Variants in RAB21 observed in about 807,000 individuals in gnomAD.
RAB21 encodes RAB21, member RAS oncogene family.
A neutral mutation model predicts 33.1 loss-of-function variants in RAB21; 13 were observed. The ratio of observed to expected loss-of-function variants is 0.39; its 90% CI spans 0.26 to 0.62. The LOEUF (loss-of-function observed/expected upper bound fraction) is 0.62, where lower values mean the gene tolerates loss of function less well. Ranked by LOEUF, RAB21 falls within the 20% of genes least tolerant of loss-of-function variation. The pLI is 0.48. For missense variants in RAB21, 234 were observed against 279.1 expected (o/e 0.84, Z 1.15); for synonymous variants, 91 against 103.7 (o/e 0.88, Z 0.74).
intron 3 of RAB21, among the ~76,000 whole-genome samples, chr12:71,771,242 C>T (rs192286556): frequency 1.6e-4 from 24 of 152,264 alleles, no homozygotes; most frequent in Admixed American, 1.2e-3. Flanking sequence ...ATACGTATGA[C>T]TCTTAAAGTT....
At chr12:71,781,987 A>G (rs759870418) in intron 4 of RAB21, 44 bp from the exon 5 acceptor site, 3 of 1,438,180 alleles carry the variant, frequency 2.1e-6, no homozygotes, top group Non-Finnish European at 1.9e-6. Context: ...TTTGTTATGA[A>G]AATAAATCAG....
At position 71,795,804 on chromosome 12, in the gene RAB21, T is replaced by C. The variant is rs1055564729; in HGVS notation, c.*10131T>C. On this transcript the variant is annotated 3_prime_UTR_variant, in exon 7 of 7. Transcript: ENST00000261263. Reference sequence around the variant, plus strand: ...TTGTTGAAAACTGAGTAGAATTTTGTGTCCAAAAATCCTTAGTCTGTGATG... The same window carrying C: ...TTGTTGAAAACTGAGTAGAATTTTGCGTCCAAAAATCCTTAGTCTGTGATG... 2 of 137,688 alleles carry C rather than the reference T, an allele frequency of 1.5e-5. No homozygotes were observed. Among genetic ancestry groups the C allele is most frequent in the Admixed American group, 1.5e-4 (2 of 13,422 alleles). 8.5% of individuals were successfully genotyped at this position (137,688 alleles called of 1,614,324 possible). A position where few individuals can be genotyped will look rare whatever the true frequency, so the allele number is the denominator to read the frequency against.
chr12:71,782,714 A>G, intron 6 of RAB21, 56 bp downstream of exon 6: 1 of 1,233,440 alleles, frequency 8.1e-7, no homozygotes, highest in Non-Finnish European at 1.1e-6. Flanking sequence ...TTATTTTTTA[A>G]AAAATAGTAT....
rs1883012976 is a variant in RAB21 at position 71,769,731 on chromosome 12, T to C, written c.160-69T>C. On this transcript the variant is annotated intron_variant, in intron 1 of 6. Coordinates refer to ENST00000261263, the MANE Select transcript of RAB21 (RefSeq NM_014999.4). ...CTTTTACATTGAGATGATTCATTCA[T>C]CTATAGTTGTTAGGATAAAGAACCT... 8.2e-6 allele frequency: 6 copies of C among 727,528 alleles called. No individual in the cohort carries two copies. In the East Asian group the frequency reaches 1.5e-4, roughly 19 times the overall value. The allele number at this position is 727,528 out of a possible 1,614,324, so 45.1% of individuals were successfully genotyped here. A position where few individuals can be genotyped will look rare whatever the true frequency, so the allele number is the denominator to read the frequency against.
At chr12:71,784,013 C>T (rs1271377827) in intron 6 of RAB21, among the ~76,000 whole-genome samples, 3 of 152,096 alleles carry the variant, frequency 2.0e-5, no homozygotes, top group Non-Finnish European at 4.4e-5. Flanking sequence ...CTAATATGTA[C>T]ATTTTAAAAC....
At chr12:71,771,694 C>T (rs1883044385) in intron 3 of RAB21, among the ~76,000 whole-genome samples, 1 of 152,122 alleles carries the variant, frequency 6.6e-6, no homozygotes, top group Non-Finnish European at 1.5e-5. Flanking sequence ...AAGATTGAGG[C>T]CAGGCACAGT....
chr12:71,784,076 TATA>T (rs1410576035), intron 6 of RAB21, among the ~76,000 whole-genome samples: 1 of 152,234 alleles, frequency 6.6e-6, no homozygotes, highest in African/African-American at 2.4e-5. Context: ...ATATAGAATT[TATA>T]ATGTTTTCTT....
rs1014939006 is a variant in RAB21 at position 71,793,186 on chromosome 12, T to G, written c.*7513T>G. On this transcript the variant is annotated 3_prime_UTR_variant, in exon 7 of 7. Transcript: ENST00000261263. ...GGTTTTGCGGTGATTTTTTTTAACCTAGAAAAAATACAATTTAAAAAGCAA... is the reference window on the plus strand; with the variant it reads ...GGTTTTGCGGTGATTTTTTTTAACCGAGAAAAAATACAATTTAAAAAGCAA... 1.3e-5 allele frequency: 2 copies of G among 152,168 alleles called. No homozygotes were observed. Among genetic ancestry groups the G allele is most frequent in the African/African-American group, 4.8e-5 (2 of 41,442 alleles). The allele number at this position is 152,168 out of a possible 1,614,324, so 9.4% of individuals were successfully genotyped here. A position where few individuals can be genotyped will look rare whatever the true frequency, so the allele number is the denominator to read the frequency against.
At position 71,797,170 on chromosome 12, in the gene RAB21, T is replaced by A. The variant is rs1298646925; in HGVS notation, c.*11497T>A. 1.3e-5 allele frequency: 2 copies of A among 152,116 alleles called. No homozygotes were observed. The highest frequency in any genetic ancestry group is 2.9e-5 in the Non-Finnish European group (2 of 68,000). The allele number at this position is 152,116 out of a possible 1,614,324, so 9.4% of individuals were successfully genotyped here. Reference sequence around the variant, plus strand: ...GGAACTTAAAAACCTATTGGAAGATTTATTTAACAGAGGTAAGAGAATTTG... The same window carrying A: ...GGAACTTAAAAACCTATTGGAAGATATATTTAACAGAGGTAAGAGAATTTG... On this transcript the variant is annotated 3_prime_UTR_variant, in exon 7 of 7. Transcript: ENST00000261263.
chr12:71,757,705 A>C (rs909642656), intron 1 of RAB21, among the ~76,000 whole-genome samples: 1 of 152,244 alleles, frequency 6.6e-6, no homozygotes, highest in Non-Finnish European at 1.5e-5. Flanking sequence ...CTTGTAAGAC[A>C]CAACTTTGTA....
Position 71,799,999 on chromosome 12 carries a change from G to A in RAB21, c.*14326G>A, listed in dbSNP as rs770624150. ...GAGGCAGGAGAATTGCTTGAACCCG[G>A]GAGGCGGAGGTTGCAGTGAGCCAAG... On this transcript the variant is annotated 3_prime_UTR_variant, in exon 7 of 7. Transcript: ENST00000261263. The A allele has an allele frequency of 6.6e-6, 1 of 152,092 alleles. No individual in the cohort carries two copies. The highest frequency in any genetic ancestry group is 1.5e-5 in the Non-Finnish European group (1 of 68,156). The allele number at this position is 152,092 out of a possible 1,614,324, so 9.4% of individuals were successfully genotyped here.
At chr12:71,767,261 G>A (rs999572470) in intron 1 of RAB21, among the ~76,000 whole-genome samples, 3 of 152,010 alleles carry the variant, frequency 2.0e-5, no homozygotes, top group African/African-American at 2.4e-5. Context: ...ACTTAATACC[G>A]TCCTTTAAAT....
chr12:71,761,979 T>C (rs1592642929), intron 1 of RAB21, among the ~76,000 whole-genome samples: 1 of 152,182 alleles, frequency 6.6e-6, no homozygotes, highest in Non-Finnish European at 1.5e-5. Context: ...ACTGTTAATT[T>C]AAGTGATTTA....
At position 71,770,689 on chromosome 12, in the gene RAB21, C is replaced by A. The variant is rs2137647802; in HGVS notation, c.317C>A (p.Ser106Tyr). Residue 106 changes from serine (S) to tyrosine (Y), a missense_variant, in exon 3 of 7, where the codon TCT becomes TAT. Transcript: ENST00000261263. ...ILVYDITDED[S>Y]FQKVKNWVKE... ...GTTTATGACATAACAGATGAAGATT[C>A]TTTTCAGAAGGTATTCTATTCATGG... 6.3e-7 allele frequency: 1 copy of A among 1,579,144 alleles called. No homozygotes were observed. Among genetic ancestry groups the A allele is most frequent in the East Asian group, 2.2e-5 (1 of 44,544 alleles).
chr12:71,755,875 G>A (rs548584924), intron 1 of RAB21, among the ~76,000 whole-genome samples: 1 of 152,246 alleles, frequency 6.6e-6, no homozygotes, highest in African/African-American at 2.4e-5. Flanking sequence ...TATTCTGCGA[G>A]GTCGATTGAC....
intron 1 of RAB21, among the ~76,000 whole-genome samples, chr12:71,765,900 A>G (rs1361608991): frequency 6.6e-6 from 1 of 152,030 alleles, no homozygotes; most frequent in South Asian, 2.1e-4. Flanking sequence ...AAAGTTTTCT[A>G]AAGTTTTTTA....
At chr12:71,757,211 G>C (rs189571892) in intron 1 of RAB21, among the ~76,000 whole-genome samples, 50 of 152,230 alleles carry the variant, frequency 3.3e-4, no homozygotes, top group Non-Finnish European at 5.0e-4. Context: ...TGGGTCAAGT[G>C]ATTCTCCTGC....
In RAB21 at chr12:71,756,386, C is replaced by A. The variant is rs551132296; in HGVS notation, c.159+1098C>A. 4.9e-3 allele frequency among the ~76,000 whole-genome samples: 746 copies of A among 152,332 alleles called. 8 individuals carry two copies. Among genetic ancestry groups the A allele is most frequent in the African/African-American group, 0.017 (711 of 41,576 alleles). On this transcript the variant is annotated intron_variant, in intron 1 of 6. Transcript: ENST00000261263. ...TGTCTGCCTTTAATTACCGCCCCAACTTGCACAATAGGTCTTAATTAGTAA... is the reference window on the plus strand; with the variant it reads ...TGTCTGCCTTTAATTACCGCCCCAAATTGCACAATAGGTCTTAATTAGTAA...
intron 1 of RAB21, among the ~76,000 whole-genome samples, chr12:71,764,450 C>CT (rs1160262927): frequency 6.6e-5 from 10 of 151,906 alleles, no homozygotes; most frequent in African/African-American, 2.4e-4. Context: ...TTGCTGCTAT[C>CT]TTTTTTTATA....
Sources: gnomAD v4.1 joint callset for allele counts (sites outside exome capture counted in the v4.1 genomes callset) on GRCh38, gnomAD v4.1.1 for gene constraint, MANE v1.5 for transcripts, NCBI Gene and HGNC (gene_info 2026-07-23, HGNC 2026-07-21) for gene names.